PTGFRN: variants seen among roughly 807,000 people sequenced by gnomAD.
PTGFRN encodes the protein prostaglandin F2 receptor negative regulator.
Under a neutral mutation model 83.2 loss-of-function variants are expected in PTGFRN, and 35 were observed. That is an observed-to-expected ratio of 0.42 (90% CI 0.32 to 0.56). PTGFRN has a LOEUF of 0.56. Ranked by LOEUF, PTGFRN falls within the 20% of genes least tolerant of loss-of-function variation. PTGFRN has a pLI of 0.11. For missense variants in PTGFRN, 1,051 were observed against 1,179.5 expected (o/e 0.89, Z 1.60); for synonymous variants, 519 against 498.6 (o/e 1.04, Z -0.55).
chr1:116,979,442 GA>G (rs1195600934), intron 7 of PTGFRN, among the ~76,000 whole-genome samples: 1 of 152,216 alleles, frequency 6.6e-6, no homozygotes, highest in Non-Finnish European at 1.5e-5. Context: ...AACAAAGCTG[GA>G]GGTATCACGC....
chr1:116,926,284 G>C (rs755996), intron 1 of PTGFRN, among the ~76,000 whole-genome samples: 2,623 of 152,314 alleles, frequency 0.017, 79 homozygotes, highest in African/African-American at 0.06. Context: ...AGGCTAAAAA[G>C]AGGACCAGGT....
In PTGFRN at chr1:116,958,834, A is replaced by G. The variant is rs887112450; in HGVS notation, c.1214-2409A>G. On this transcript the variant is annotated intron_variant, in intron 4 of 8. Coordinates refer to ENST00000393203, the MANE Select transcript of PTGFRN (RefSeq NM_020440.4). The surrounding 1 kb of genome is among the most constrained non-coding windows in gnomAD (Gnocchi z 4.9). Reference sequence around the variant, plus strand: ...TCTGCTGCCTCACAGTTTGCTGTTCAGGGTTATGGTTCTCCAGTCCCCACA... The same window carrying G: ...TCTGCTGCCTCACAGTTTGCTGTTCGGGGTTATGGTTCTCCAGTCCCCACA... Among the ~76,000 whole-genome samples the G allele has an allele frequency of 1.3e-5, 2 of 152,164 alleles. No individual in the cohort carries two copies. The highest frequency in any genetic ancestry group is 4.1e-4 in the South Asian group (2 of 4,824).
chr1:116,977,688 A>C (rs977297914), intron 7 of PTGFRN, among the ~76,000 whole-genome samples: 2 of 152,224 alleles, frequency 1.3e-5, no homozygotes, highest in African/African-American at 4.8e-5. Flanking sequence ...ACAAAGACAC[A>C]ACATACCAGA....
At chr1:116,924,780 G>A (rs889621703) in intron 1 of PTGFRN, among the ~76,000 whole-genome samples, 5 of 152,208 alleles carry the variant, frequency 3.3e-5, no homozygotes, top group Non-Finnish European at 5.9e-5. Flanking sequence ...CCTGGATGAC[G>A]ATCCAAAGAT....
At chr1:116,930,890 C>T (rs1649780596) in intron 1 of PTGFRN, among the ~76,000 whole-genome samples, 2 of 152,152 alleles carry the variant, frequency 1.3e-5, no homozygotes, top group Non-Finnish European at 2.9e-5. Flanking sequence ...TCCTTCATGT[C>T]TTCTGTTAAA....
At chr1:116,938,259 A>G (rs984392053) in intron 1 of PTGFRN, among the ~76,000 whole-genome samples, 1 of 152,204 alleles carries the variant, frequency 6.6e-6, no homozygotes, top group African/African-American at 2.4e-5. Context: ...CTATAATCCC[A>G]GCACTCTGAG....
At chr1:116,924,143 ATTTTT>A (rs147663868) in intron 1 of PTGFRN, among the ~76,000 whole-genome samples, 5 of 116,130 alleles carry the variant, frequency 4.3e-5, no homozygotes, top group East Asian at 4.8e-4. Context: ...CTGTGCATGT[ATTTTT>A]TTTTTTTTTT....
chr1:116,967,723 T>C (rs1650881966), intron 6 of PTGFRN, among the ~76,000 whole-genome samples: 1 of 152,222 alleles, frequency 6.6e-6, no homozygotes, highest in Non-Finnish European at 1.5e-5. Flanking sequence ...AGCAAAATGT[T>C]TTCAAGGGTC....
intron 1 of PTGFRN, among the ~76,000 whole-genome samples, chr1:116,930,448 C>G (rs1180558862): frequency 6.6e-6 from 1 of 152,154 alleles, no homozygotes; most frequent in South Asian, 2.1e-4. Flanking sequence ...TCCTTTTTAC[C>G]CCCCACTCCC....
At chr1:116,973,939 G>C (rs1460918838) in intron 6 of PTGFRN, among the ~76,000 whole-genome samples, 1 of 152,202 alleles carries the variant, frequency 6.6e-6, no homozygotes, top group East Asian at 1.9e-4. Context: ...TTTCGAATGA[G>C]GTCACTGTGG....
chr1:116,957,550 T>C (rs901586916), intron 4 of PTGFRN, among the ~76,000 whole-genome samples: 3 of 152,198 alleles, frequency 2.0e-5, no homozygotes, highest in East Asian at 1.9e-4. Context: ...TTTTGAAATA[T>C]GTATACATTG....
chr1:116,921,751 C>T (rs1649542169), intron 1 of PTGFRN, among the ~76,000 whole-genome samples: 1 of 151,922 alleles, frequency 6.6e-6, no homozygotes, highest in African/African-American at 2.4e-5. Context: ...CAGAATGGAT[C>T]ATAGGTGTTT....
At chr1:116,985,094 G>T in intron 8 of PTGFRN, 109 bp downstream of exon 8, 2 of 1,168,158 alleles carry the variant, frequency 1.7e-6, no homozygotes, top group South Asian at 1.5e-5. Flanking sequence ...GCCATAGCAC[G>T]TCCTGCTTTC....
rs373438036 is a variant in PTGFRN at position 116,915,159 on chromosome 1, C to T, written c.49+4907C>T. ...CTAATGTTCGCTAAACCTTATGCTG[C>T]GTATTGCTTGAGATTAGCTTAGGTG... On this transcript the variant is annotated intron_variant, in intron 1 of 8. Transcript: ENST00000393203. 5.2e-4 allele frequency among the ~76,000 whole-genome samples: 79 copies of T among 152,326 alleles called. 1 individual carries two copies. In the South Asian group the frequency reaches 0.015, roughly 30 times the overall value.
intron 1 of PTGFRN, among the ~76,000 whole-genome samples, chr1:116,937,547 C>T (rs1649952038): frequency 2.0e-5 from 3 of 152,060 alleles, no homozygotes; most frequent in African/African-American, 4.8e-5. Flanking sequence ...GAAGGGACAT[C>T]GGATTTGTAT....
intron 4 of PTGFRN, among the ~76,000 whole-genome samples, chr1:116,957,405 G>A (rs1047746449): frequency 6.6e-6 from 1 of 151,980 alleles, no homozygotes; most frequent in African/African-American, 2.4e-5. Context: ...CCAGGTGATT[G>A]GCACAGGAGC....
At chr1:116,924,014 C>T (rs1649595980) in intron 1 of PTGFRN, among the ~76,000 whole-genome samples, 2 of 152,012 alleles carry the variant, frequency 1.3e-5, no homozygotes, top group South Asian at 4.1e-4. Context: ...GGGAAACAAA[C>T]TGAACATTAA....
intron 4 of PTGFRN, among the ~76,000 whole-genome samples, chr1:116,950,238 C>G (rs1284354250): frequency 6.6e-6 from 1 of 152,200 alleles, no homozygotes; most frequent in Non-Finnish European, 1.5e-5. Flanking sequence ...ATACTAAGCT[C>G]CTTTTCCCCT....
At chr1:116,919,504 C>G (rs1439936004) in intron 1 of PTGFRN, among the ~76,000 whole-genome samples, 1 of 152,028 alleles carries the variant, frequency 6.6e-6, no homozygotes, top group East Asian at 1.9e-4. Context: ...CTGAAGTGAT[C>G]CTCCCACCTC....
Sources: allele counts gnomAD v4.1 joint callset (sites outside exome capture counted in the v4.1 genomes callset), GRCh38; gene constraint gnomAD v4.1.1; non-coding constraint Gnocchi (gnomAD v3.1); transcripts MANE v1.5; gene names NCBI Gene and HGNC (gene_info 2026-07-23, HGNC 2026-07-21).